MRPL18: variants seen among roughly 807,000 people sequenced by gnomAD.
MRPL18 encodes the protein mitochondrial ribosomal protein L18, also known as large ribosomal subunit protein uL18m.
In MRPL18, 16 loss-of-function variants were observed where a neutral mutation model predicts 20.9. The observed-to-expected ratio is 0.76, with a 90% CI of 0.52 to 1.16. MRPL18 has a LOEUF of 1.16. Among genes scored for constraint, MRPL18 ranks in the 50% most tolerant of loss-of-function variants. The probability of loss-of-function intolerance (pLI) is 0.00; values close to 1 mark genes in which losing one functional copy is unlikely to be tolerated. For synonymous variants in MRPL18, 91 were observed against 87.1 expected (o/e 1.04, Z -0.25); for missense variants, 233 against 230.6 (o/e 1.01, Z -0.07).
At chr6:159,792,052 A>G (rs564207971) in intron 2 of MRPL18, among the ~76,000 whole-genome samples, 1 of 152,300 alleles carries the variant, frequency 6.6e-6, no homozygotes, top group African/African-American at 2.4e-5. Flanking sequence ...TACTTGCTTT[A>G]TATGTTTTTT....
chr6:159,797,185 C>A, intron 2 of MRPL18, 102 bp from the exon 3 acceptor site: 1 of 1,135,664 alleles, frequency 8.8e-7, no homozygotes, highest in Non-Finnish European at 1.3e-6. Context: ...ATGAACCAAA[C>A]ACTGGATTGT....
Position 159,797,365 on chromosome 6 carries a change from C to G in MRPL18, c.318C>G (p.Ser106=). The change falls in exon 3 of 4, where the codon TCC becomes TCG. Residue 106 remains serine (S), a synonymous_variant. Transcript: ENST00000367034. ...ATGGCAAGGTTGTGGTTTCGGCCTC[C>G]ACTCGTGAGTGGGCTATTAAAAAGC... The part of the protein sequence containing the change: ...HQNGKVVVSA[S]TREWAIKKHL... 6.2e-7 allele frequency: 1 copy of G among 1,614,162 alleles called. No individual in the cohort carries two copies.
At chr6:159,796,837 C>A (rs1327795138) in intron 2 of MRPL18, among the ~76,000 whole-genome samples, 1 of 152,058 alleles carries the variant, frequency 6.6e-6, no homozygotes, top group Non-Finnish European at 1.5e-5. Flanking sequence ...AATATGCATA[C>A]CTTGAGATTA....
At position 159,798,224 on chromosome 6, in the gene MRPL18, C is replaced by A; in HGVS notation, c.*101C>A. The stretch of plus-strand genomic sequence containing the variant: ...AAGAACAGCCAGCTTGGAAGTTTTA[C>A]AGCAATAATGTTGCAGTGGAATATT... On this transcript the variant is annotated 3_prime_UTR_variant, in exon 4 of 4. Coordinates refer to ENST00000367034, the MANE Select transcript of MRPL18 (RefSeq NM_014161.5). The A allele has an allele frequency of 1.1e-6, 1 of 930,066 alleles. No homozygotes were observed. Among genetic ancestry groups the A allele is most frequent in the Non-Finnish European group, 1.7e-6 (1 of 604,700 alleles). 57.6% of individuals were successfully genotyped at this position (930,066 alleles called of 1,614,324 possible).
chr6:159,789,964 C>G (rs535072122), upstream of MRPL18: 6 of 183,778 alleles, frequency 3.3e-5, no homozygotes, highest in African/African-American at 1.4e-4. Flanking sequence ...AGTTGGGGTT[C>G]TGAGCGAGTC....
In MRPL18 at chr6:159,791,105, C is replaced by T; in HGVS notation, c.218C>T (p.Pro73Leu). The part of the protein sequence containing the change: ...RKERGWRTVF[P>L]SREFWHRLRV... ...GAGCGGGGCTGGCGGACGGTGTTTC[C>T]CTCCCGTGAGTTCTGGCACAGGTAA... The change falls in exon 2 of 4, where the codon CCC (proline) becomes CTC (leucine). Residue 73 changes from proline to leucine, a missense_variant. Physicochemically the swap from Pro to Leu is moderately conservative, Grantham distance 98. Coordinates refer to ENST00000367034, the MANE Select transcript of MRPL18 (RefSeq NM_014161.5). The T allele has an allele frequency of 1.9e-6, 3 of 1,614,156 alleles. No homozygotes were observed. Among genetic ancestry groups the T allele is most frequent in the South Asian group, 1.1e-5 (1 of 91,068 alleles).
At position 159,791,123 on chromosome 6, in the gene MRPL18, A is replaced by G; in HGVS notation, c.236A>G (p.His79Arg). The G allele has an allele frequency of 3.7e-6, 6 of 1,614,130 alleles. No homozygotes were observed. The highest frequency in any genetic ancestry group is 5.1e-6 in the Non-Finnish European group (6 of 1,180,004). The change falls in exon 2 of 4, where the codon CAC becomes CGC. Residue 79 changes from histidine to arginine, a missense_variant. By Grantham distance (29) the His-to-Arg change is conservative. Transcript: ENST00000367034. ...GTGTTTCCCTCCCGTGAGTTCTGGC[A>G]CAGGTAATTAAATCTGCTTGTGATT... ...RTVFPSREFW[H>R]RLRVIRTQHH...
rs1380277208 is a variant in MRPL18 at position 159,790,958 on chromosome 6, T to C, written c.71T>C (p.Leu24Pro). Reference protein sequence around the residue: ...CRNPGCRFAALSTSSEPAAKP... With the variant: ...CRNPGCRFAAPSTSSEPAAKP... The stretch of plus-strand genomic sequence containing the variant: ...TGCCCAGGGTGCAGGTTCGCAGCCC[T>C]GTCAACCAGCTCCGAGCCGGCAGCG... The change falls in exon 2 of 4, where the codon CTG becomes CCG. Residue 24 changes from leucine to proline, a missense_variant. By Grantham distance (98) the Leu-to-Pro change is moderately conservative. Transcript: ENST00000367034. 1 of 1,614,066 alleles carries C rather than the reference T, an allele frequency of 6.2e-7. No individual in the cohort carries two copies. Among genetic ancestry groups the C allele is most frequent in the Non-Finnish European group, 8.5e-7 (1 of 1,180,040 alleles).
chr6:159,797,260 A>C lies in MRPL18; in HGVS notation c.240-27A>C, dbSNP rs756580900. 1.9e-6 allele frequency: 3 copies of C among 1,586,558 alleles called. No homozygotes were observed. The South Asian group carries it at 3.3e-5, about 18-fold the overall frequency. ...ACTTTAGGATACAGATTCTTCTGTG[A>C]TTTTATTATCTTCTCACCCCATTTA... On this transcript the variant is annotated intron_variant, in intron 2 of 3. Coordinates refer to ENST00000367034, the MANE Select transcript of MRPL18 (RefSeq NM_014161.5).
chr6:159,798,258 T>G lies in MRPL18; in HGVS notation c.*135T>G, dbSNP rs934310693. ...TGTTGCAGTGGAATATTATTTGTAGTTAAGGTCATCCTCCTCCCCTTTCTG... is the reference window on the plus strand; with the variant it reads ...TGTTGCAGTGGAATATTATTTGTAGGTAAGGTCATCCTCCTCCCCTTTCTG... On this transcript the variant is annotated 3_prime_UTR_variant, in exon 4 of 4. Transcript: ENST00000367034. 1 of 656,076 alleles carries G rather than the reference T, an allele frequency of 1.5e-6. No individual in the cohort carries two copies. Among genetic ancestry groups the G allele is most frequent in the South Asian group, 2.2e-5 (1 of 45,090 alleles). 40.6% of individuals were successfully genotyped at this position (656,076 alleles called of 1,614,324 possible). A position where few individuals can be genotyped will look rare whatever the true frequency, so the allele number is the denominator to read the frequency against.
chr6:159,790,642 A>G lies in MRPL18; in HGVS notation c.52+3A>G. The G allele has an allele frequency of 6.2e-7, 1 of 1,613,872 alleles. No homozygotes were observed. The highest frequency in any genetic ancestry group is 1.7e-5 in the Admixed American group (1 of 60,010). On this transcript the variant is annotated splice_donor_region_variant and intron_variant, in intron 1 of 3. Transcript: ENST00000367034. ...GTTCTCGGTTTGCAGGAACCCTGGT[A>G]ATTAGTCTTGCCCCCCTTCTCCCAG...
At position 159,790,514 on chromosome 6, in the gene MRPL18, A is replaced by G. The variant is rs368992793; in HGVS notation, c.-74A>G. Reference sequence around the variant, plus strand: ...GCCAAAGGCTTGTCCCTGACTTTATATGGCTGCTCCTGGCGAGCGACTGAG... The same window carrying G: ...GCCAAAGGCTTGTCCCTGACTTTATGTGGCTGCTCCTGGCGAGCGACTGAG... On this transcript the variant is annotated 5_prime_UTR_variant, in exon 1 of 4. The change creates a new upstream start codon in the 5' untranslated region. Transcript: ENST00000367034. 1.2e-5 allele frequency: 20 copies of G among 1,602,344 alleles called. 1 individual carries two copies. The East Asian group carries it at 1.3e-4, about 11-fold the overall frequency.
chr6:159,793,681 G>A (rs906604773), intron 2 of MRPL18, among the ~76,000 whole-genome samples: 2 of 152,110 alleles, frequency 1.3e-5, no homozygotes, highest in Non-Finnish European at 2.9e-5. Context: ...AGGTCGAGGC[G>A]GGCGGATCAC....
rs1781052581 is a variant in MRPL18, at chr6:159,797,324, C to CTT, written c.278_279dup (p.Val94LeufsTer36). 1.8e-5 allele frequency: 29 copies of CTT among 1,614,188 alleles called. No individual in the cohort carries two copies. Among genetic ancestry groups the CTT allele is most frequent in the Non-Finnish European group, 2.3e-5 (27 of 1,180,038 alleles). On this transcript the variant is annotated frameshift_variant, in exon 3 of 4. Transcript: ENST00000367034. LOFTEE classifies it high-confidence loss of function. Reference sequence around the variant, plus strand: ...AAGGACTCAGCATCATGTAGAAGCACTTGTGGAGCATCAGAATGGCAAGGT... The same window carrying CTT: ...AAGGACTCAGCATCATGTAGAAGCACTTTTGTGGAGCATCAGAATGGCAAGGT...
At chr6:159,790,389 A>G (rs2273826), upstream of MRPL18, 486,927 of 666,512 alleles carry the variant, frequency 0.73, 180,700 homozygotes, top group Admixed American at 0.79. Flanking sequence ...ATGATTGGCG[A>G]TGAAGGATAA....
intron 2 of MRPL18, among the ~76,000 whole-genome samples, chr6:159,791,513 T>C (rs936514365): frequency 3.3e-5 from 5 of 152,202 alleles, no homozygotes; most frequent in African/African-American, 1.2e-4. Context: ...GACAGATGAT[T>C]AGCTTTGTAA....
chr6:159,796,311 T>G (rs555749969), intron 2 of MRPL18, among the ~76,000 whole-genome samples: 21 of 151,830 alleles, frequency 1.4e-4, no homozygotes, highest in African/African-American at 4.8e-4. Flanking sequence ...AAACCCTGTC[T>G]CTACAAAAAA....
chr6:159,790,637 C>G lies in MRPL18; in HGVS notation c.50C>G (p.Pro17Arg). 1.9e-6 allele frequency: 3 copies of G among 1,614,058 alleles called. No individual in the cohort carries two copies. Among genetic ancestry groups the G allele is most frequent in the Non-Finnish European group, 2.5e-6 (3 of 1,179,996 alleles). ...GGGTTGTTCTCGGTTTGCAGGAACCCTGGTAATTAGTCTTGCCCCCCTTCT... is the reference window on the plus strand; with the variant it reads ...GGGTTGTTCTCGGTTTGCAGGAACCGTGGTAATTAGTCTTGCCCCCCTTCT... ...FWGLFSVCRN[P>R]GCRFAALSTS... Residue 17 changes from proline (P) to arginine (R), a missense_variant and splice_region_variant, in exon 1 of 4, where the codon CCT (proline) becomes CGT (arginine). By Grantham distance (103) the Pro-to-Arg change is moderately radical. Coordinates refer to ENST00000367034, the MANE Select transcript of MRPL18 (RefSeq NM_014161.5).
intron 2 of MRPL18, among the ~76,000 whole-genome samples, chr6:159,791,406 G>A (rs1360228513): frequency 1.3e-5 from 2 of 152,190 alleles, no homozygotes; most frequent in African/African-American, 2.4e-5. Flanking sequence ...TCCTAGCAAA[G>A]GAAACTGCTG....
Sources: gnomAD v4.1 joint callset for allele counts (sites outside exome capture counted in the v4.1 genomes callset) on GRCh38, gnomAD v4.1.1 for gene constraint, MANE v1.5 for transcripts, NCBI Gene and HGNC (gene_info 2026-07-23, HGNC 2026-07-21) for gene names.